Variants in SLC44A3 observed in about 807,000 individuals in gnomAD.
SLC44A3 encodes the protein choline transporter-like protein 3.
SLC44A3 carries 74 observed loss-of-function variants against 75.4 expected under a neutral mutation model. The ratio of observed to expected loss-of-function variants is 0.98; its 90% CI spans 0.81 to 1.19. The LOEUF is 1.19. Ranked by LOEUF, SLC44A3 falls within the 50% of genes most tolerant of loss-of-function variation. The probability of loss-of-function intolerance (pLI) is 0.00; values close to 1 mark genes in which losing one functional copy is unlikely to be tolerated. For missense variants in SLC44A3, 700 were observed against 778.6 expected, an observed-to-expected ratio of 0.90 and a Z score of 1.20; for synonymous variants, 310 against 296.9, an observed-to-expected ratio of 1.04 and a Z score of -0.45.
intron 11 of SLC44A3, 40 bp downstream of exon 11, chr1:94,864,939 G>A (rs1321739341): frequency 1.3e-6 from 2 of 1,594,256 alleles, no homozygotes; most frequent in Non-Finnish European, 1.7e-6. Flanking sequence ...TCTGTGTTTG[G>A]GTTGCCAGAA....
chr1:94,878,091 G>C (rs61772585), intron 12 of SLC44A3, among the ~76,000 whole-genome samples: 1 of 151,806 alleles, frequency 6.6e-6, no homozygotes, highest in Admixed American at 6.6e-5. Flanking sequence ...AAAATTAGCC[G>C]GGCGAGGTGG....
chr1:94,858,985 C>T (rs780420288), intron 10 of SLC44A3, among the ~76,000 whole-genome samples: 6 of 152,114 alleles, frequency 3.9e-5, no homozygotes, highest in Non-Finnish European at 5.9e-5. Flanking sequence ...CCACGACACC[C>T]GGCCACCACT....
At chr1:94,838,890 G>A (rs1170828824) in intron 6 of SLC44A3, 2 of 152,182 alleles carry the variant, frequency 1.3e-5, no homozygotes, top group African/African-American at 4.8e-5. Flanking sequence ...GATTCATAAT[G>A]GTATTAACAG....
intron 12 of SLC44A3, among the ~76,000 whole-genome samples, chr1:94,878,057 AC>A (rs1453020070): frequency 6.6e-6 from 1 of 151,798 alleles, no homozygotes; most frequent in Non-Finnish European, 1.5e-5. Flanking sequence ...ACACGGTGAA[AC>A]CCCGTCTCTA....
chr1:94,846,864 G>C (rs1664470244), intron 9 of SLC44A3, among the ~76,000 whole-genome samples: 1 of 152,234 alleles, frequency 6.6e-6, no homozygotes, highest in Non-Finnish European at 1.5e-5. Flanking sequence ...ATATAAGTAA[G>C]AACAGCTGCC....
chr1:94,836,468 T>C (rs1474887409), intron 5 of SLC44A3, among the ~76,000 whole-genome samples: 1 of 152,246 alleles, frequency 6.6e-6, no homozygotes, highest in Admixed American at 6.5e-5. Flanking sequence ...AAGCCTCATA[T>C]GCCTTCCTAA....
chr1:94,820,400 T>TA lies in SLC44A3; in HGVS notation c.-51dup. 7.1e-7 allele frequency: 1 copy of TA among 1,407,326 alleles called. No individual in the cohort carries two copies. The highest frequency in any genetic ancestry group is 9.3e-7 in the Non-Finnish European group (1 of 1,080,454). The allele number at this position is 1,407,326 out of a possible 1,614,324, so 87.2% of individuals were successfully genotyped here. A position where few individuals can be genotyped will look rare whatever the true frequency, so the allele number is the denominator to read the frequency against. On this transcript the variant is annotated 5_prime_UTR_variant, in exon 1 of 15. Coordinates refer to ENST00000271227, the MANE Select transcript of SLC44A3 (RefSeq NM_001114106.3). ...GGCTCGCGGGCGCTGCGTCTCCGCG[T>TA]ACAGGAGGCGGCGGCGGCTCCCAGT...
intron 2 of SLC44A3, among the ~76,000 whole-genome samples, chr1:94,821,587 G>A (rs1660594776): frequency 6.6e-6 from 1 of 152,160 alleles, no homozygotes; most frequent in Non-Finnish European, 1.5e-5. Context: ...ATGTATGATT[G>A]CTGGTAAACT....
Position 94,839,391 on chromosome 1 carries a change from T to G in SLC44A3, c.671-557T>G, listed in dbSNP as rs182494232. Among the ~76,000 whole-genome samples the G allele has an allele frequency of 2.0e-5, 3 of 152,250 alleles. No homozygotes were observed. In the East Asian group the frequency reaches 5.8e-4, roughly 29 times the overall value. ...TTGCTATAAAATTTTTTTTCTTTCT[T>G]TCTTTTTTTTTATTGAGACAGAGTC... is the stretch of plus-strand genomic sequence containing the variant. On this transcript the variant is annotated intron_variant, in intron 6 of 14. Coordinates refer to ENST00000271227, the MANE Select transcript of SLC44A3 (RefSeq NM_001114106.3).
In SLC44A3 at chr1:94,888,479, G is replaced by A. The variant is rs74841778; in HGVS notation, c.1483-2651G>A. ...TTGAAAACCCAAGATGATTGAAGAT[G>A]CCTAGTTAAATAATATGAGTAAATG... On this transcript the variant is annotated intron_variant, in intron 12 of 14. Transcript: ENST00000271227. Among the ~76,000 whole-genome samples, 172 of 152,250 alleles carry A rather than the reference G, an allele frequency of 1.1e-3. 1 individual carries two copies. The highest frequency in any genetic ancestry group is 1.8e-3 in the Non-Finnish European group (124 of 68,032).
chr1:94,876,696 T>C (rs1359795044), intron 12 of SLC44A3, among the ~76,000 whole-genome samples: 1 of 152,218 alleles, frequency 6.6e-6, no homozygotes, highest in Admixed American at 6.5e-5. Context: ...GTCTCATCTT[T>C]GAATGACTTC....
chr1:94,836,785 C>G (rs1475875635), intron 5 of SLC44A3: 2 of 152,040 alleles, frequency 1.3e-5, no homozygotes, highest in African/African-American at 4.8e-5. Context: ...GTGGCACATG[C>G]CTGTAGTCTC....
Position 94,892,266 on chromosome 1 carries a change from T to G in SLC44A3, c.1621-15T>G, listed in dbSNP as rs369820323. 7.5e-6 allele frequency: 12 copies of G among 1,600,606 alleles called. No individual in the cohort carries two copies. The highest frequency in any genetic ancestry group is 9.4e-6 in the Non-Finnish European group (11 of 1,174,364). On this transcript the variant is annotated splice_polypyrimidine_tract_variant and intron_variant, in intron 13 of 14. Coordinates refer to ENST00000271227, the MANE Select transcript of SLC44A3 (RefSeq NM_001114106.3). ...TGATTCATAAAGATTTTCAACAAAC[T>G]CTTCTTTTGCACAGGTGTTAGTGGT...
At position 94,891,202 on chromosome 1, in the gene SLC44A3, T is replaced by C. The variant is rs777220723; in HGVS notation, c.1555T>C (p.Ser519Pro). Reference sequence around the variant, plus strand: ...AGCAAAAGATGCATTCAAAATCTTGTCCAAGAACTCAAGTCACTTTACATC... The same window carrying C: ...AGCAAAAGATGCATTCAAAATCTTGCCCAAGAACTCAAGTCACTTTACATC... ...TSAKDAFKIL[S>P]KNSSHFTSIN... The change falls in exon 13 of 15, where the codon TCC becomes CCC. Residue 519 changes from serine (S) to proline (P), a missense_variant. Transcript: ENST00000271227. The C allele has an allele frequency of 1.2e-6, 2 of 1,613,704 alleles. No homozygotes were observed. Among genetic ancestry groups the C allele is most frequent in the Non-Finnish European group, 8.5e-7 (1 of 1,179,774 alleles).
At chr1:94,890,249 C>G (rs772167476) in intron 12 of SLC44A3, among the ~76,000 whole-genome samples, 73 of 152,104 alleles carry the variant, frequency 4.8e-4, no homozygotes, top group Non-Finnish European at 3.7e-4. Flanking sequence ...TCACTATTTT[C>G]TTAGTACCTT....
At chr1:94,875,002 C>T (rs890741368) in intron 12 of SLC44A3, among the ~76,000 whole-genome samples, 2 of 152,220 alleles carry the variant, frequency 1.3e-5, no homozygotes, top group African/African-American at 4.8e-5. Flanking sequence ...CAGCTGTAGG[C>T]AAGTCGGCTT....
intron 12 of SLC44A3, among the ~76,000 whole-genome samples, chr1:94,878,261 A>AAAC (rs1491544817): frequency 1.2e-5 from 1 of 86,098 alleles, no homozygotes; most frequent in African/African-American, 5.0e-5. Flanking sequence ...ACAAACAAAC[A>AAAC]AAAAAAAAAC....
At chr1:94,875,427 G>A (rs982608974) in intron 12 of SLC44A3, among the ~76,000 whole-genome samples, 1 of 152,178 alleles carries the variant, frequency 6.6e-6, no homozygotes, top group African/African-American at 2.4e-5. Flanking sequence ...GGTCCAGAGG[G>A]TTTGAATGCC....
At chr1:94,867,474 T>C in intron 12 of SLC44A3, 57 bp downstream of exon 12, 1 of 1,435,624 alleles carries the variant, frequency 7.0e-7, no homozygotes, top group Non-Finnish European at 9.5e-7. Context: ...GTGGGCTTCA[T>C]CTCTTAGGTC....
Sources: allele counts gnomAD v4.1 joint callset (sites outside exome capture counted in the v4.1 genomes callset), GRCh38; gene constraint gnomAD v4.1.1; transcripts MANE v1.5; gene names NCBI Gene and HGNC (gene_info 2026-07-23, HGNC 2026-07-21).